Variants in TONSL observed in about 807,000 individuals in gnomAD.
TONSL encodes the protein tonsoku like, DNA repair protein.
TONSL carries 112 observed loss-of-function variants against 147.1 expected under a neutral mutation model. That is an observed-to-expected ratio of 0.76 (90% confidence interval 0.65 to 0.89). The LOEUF is 0.89. TONSL is among the 40% of genes least tolerant of loss of function. The pLI is 0.00. For synonymous variants in TONSL, 868 were observed against 801.5 expected (o/e 1.08, Z -1.40); for missense variants, 1,883 against 1,864.6 (o/e 1.01, Z -0.18).
chr8:144,440,326 G>A, intron 10 of TONSL, 25 bp downstream of exon 10: 1 of 1,572,518 alleles, frequency 6.4e-7, no homozygotes, highest in Admixed American at 1.8e-5. Context: ...CGGGGAGCCA[G>A]TATGGGTGGG....
Position 144,440,424 on chromosome 8 carries a change from G to C in TONSL, c.1217C>G (p.Ala406Gly). 1 of 1,608,356 alleles carries C rather than the reference G, an allele frequency of 6.2e-7. No individual in the cohort carries two copies. The highest frequency in any genetic ancestry group is 1.1e-5 in the South Asian group (1 of 90,908). ...GAAGCACGGGGCCAGCAGCTCGTAG[G>C]CATCGCCGGCCTCCTCGCGGGACAG... ...IALSREEAGD[A>G]YELLAPCFQK... The change falls in exon 10 of 26, where the codon GCC becomes GGC. Residue 406 changes from alanine to glycine, a missense_variant. Coordinates refer to ENST00000409379, the MANE Select transcript of TONSL (RefSeq NM_013432.5).
At chr8:144,442,552 A>C in intron 5 of TONSL, 125 bp downstream of exon 5, 1 of 1,491,072 alleles carries the variant, frequency 6.7e-7, no homozygotes, top group Non-Finnish European at 9.0e-7. Context: ...CACAGGTGTG[A>C]GAGGTGGGGG....
chr8:144,443,432 A>C, intron 3 of TONSL, 111 bp from the exon 4 acceptor site: 2 of 1,100,390 alleles, frequency 1.8e-6, no homozygotes, highest in Non-Finnish European at 2.6e-6. Context: ...GCTCCCCCTA[A>C]CCCCCACAGA....
chr8:144,435,203 G>A, intron 18 of TONSL, 33 bp from the exon 19 acceptor site: 3 of 1,468,982 alleles, frequency 2.0e-6, no homozygotes, highest in Non-Finnish European at 2.7e-6. Context: ...GCTGCTGCCT[G>A]CACACAGCCG....
chr8:144,438,843 C>T (rs976743542), intron 11 of TONSL, 108 bp from the exon 12 acceptor site: 65 of 1,196,286 alleles, frequency 5.4e-5, no homozygotes, highest in Non-Finnish European at 7.0e-5. Context: ...GAGCCAGAGA[C>T]GGGAGGGCTG....
rs775498388 is a variant in TONSL at position 144,440,067 on chromosome 8, C to A, written c.1434G>T (p.Ala478=). 1.3e-6 allele frequency: 2 copies of A among 1,578,472 alleles called. No homozygotes were observed. Among genetic ancestry groups the A allele is most frequent in the Non-Finnish European group, 1.7e-6 (2 of 1,149,316 alleles). The change falls in exon 11 of 26, where the codon GCG becomes GCT. Residue 478 remains alanine (A), a synonymous_variant. Transcript: ENST00000409379. ...CGCCGGCCTCCAGGGCTTCGCTCTCCGCTGTGGCTGCCGCCTCCTCCGCCT... is the reference window on the plus strand; with the variant it reads ...CGCCGGCCTCCAGGGCTTCGCTCTCAGCTGTGGCTGCCGCCTCCTCCGCCT... ...EEEAEEAAAT[A]ESEALEAGEV... is the part of the protein sequence containing the mutation.
At chr8:144,443,015 C>T (rs746413855) in intron 4 of TONSL, 123 bp downstream of exon 4, 45 of 1,308,562 alleles carry the variant, frequency 3.4e-5, no homozygotes, top group Non-Finnish European at 4.5e-5. Context: ...ACCCCTCACA[C>T]AAGAGCCTTG....
At chr8:144,443,084 C>A in intron 4 of TONSL, 54 bp downstream of exon 4, 1 of 1,524,446 alleles carries the variant, frequency 6.6e-7, no homozygotes, top group Non-Finnish European at 8.9e-7. Context: ...TGCTGGGCTG[C>A]AGCCTCTTCG....
At position 144,429,050 on chromosome 8, in the gene TONSL, A is replaced by G. The variant is rs545242688; in HGVS notation, c.*93T>C. ...GTGATCCGCCCGCCTGGGCCTCCCA[A>G]AGTGTTGGGATTACAGGCGTGAGCC... On this transcript the variant is annotated 3_prime_UTR_variant, in exon 26 of 26. Coordinates refer to ENST00000409379, the MANE Select transcript of TONSL (RefSeq NM_013432.5). 607 of 1,362,620 alleles carry G rather than the reference A, an allele frequency of 4.5e-4. 4 individuals are homozygous for G. In the African/African-American group the frequency reaches 8.2e-3, roughly 18 times the overall value. 84.4% of individuals were successfully genotyped at this position (1,362,620 alleles called of 1,614,324 possible).
intron 19 of TONSL, 53 bp downstream of exon 19, chr8:144,434,964 C>G: frequency 6.2e-7 from 1 of 1,611,038 alleles, no homozygotes; most frequent in Middle Eastern, 1.7e-4. Context: ...CATGAGCCAC[C>G]CGGGGGCTCC....
chr8:144,433,956 C>T, intron 21 of TONSL, 22 bp downstream of exon 21: 2 of 1,547,246 alleles, frequency 1.3e-6, no homozygotes, highest in South Asian at 1.2e-5. Flanking sequence ...TGTTGAGGGC[C>T]TGCTGCTCTC....
rs1239998939 is a variant in TONSL, at chr8:144,433,643, G to A, written c.3504C>T (p.Gly1168=). The stretch of plus-strand genomic sequence containing the variant: ...GGCTCAGAAAGAAGCTGGGGCCGAA[G>A]CCACACGCCTGCAGGCGCAGGGTGC... ...LLSTLRLQAC[G]FGPSFFLSHQ... Residue 1168 remains glycine, a synonymous_variant, in exon 22 of 26, where the codon GGC becomes GGT. Coordinates refer to ENST00000409379, the MANE Select transcript of TONSL (RefSeq NM_013432.5). 4 of 1,613,248 alleles carry A rather than the reference G, an allele frequency of 2.5e-6. No homozygotes were observed. The highest frequency in any genetic ancestry group is 2.7e-5 in the African/African-American group (2 of 74,944).
intron 23 of TONSL, 128 bp downstream of exon 23, chr8:144,432,157 C>T (rs1434173149): frequency 1.8e-6 from 2 of 1,083,648 alleles, no homozygotes; most frequent in Admixed American, 2.3e-5. Flanking sequence ...CTCCAAACCT[C>T]TAACTCTCTC....
Position 144,436,062 on chromosome 8 carries a change from C to T in TONSL, c.2371G>A (p.Ala791Thr), listed in dbSNP as rs1348614104. ...EAATASTSRA[A>T]YQAAIRGVGS... ...ACACCCCGGATGGCTGCCTGGTAGGCTGCCCGGCTGGTGCTGGCTGTGGCT... is the reference window on the plus strand; with the variant it reads ...ACACCCCGGATGGCTGCCTGGTAGGTTGCCCGGCTGGTGCTGGCTGTGGCT... The change falls in exon 17 of 26, where the codon GCC (alanine) becomes ACC (threonine). Residue 791 changes from alanine (A) to threonine (T), a missense_variant. By Grantham distance (58) the Ala-to-Thr change is moderately conservative. Transcript: ENST00000409379. 1 of 1,572,694 alleles carries T rather than the reference C, an allele frequency of 6.4e-7. No individual in the cohort carries two copies. Among genetic ancestry groups the T allele is most frequent in the Non-Finnish European group, 8.6e-7 (1 of 1,166,190 alleles).
chr8:144,431,249 G>A lies in TONSL; in HGVS notation c.3736-98C>T, dbSNP rs114298042. 4.3e-3 allele frequency: 4,803 copies of A among 1,122,170 alleles called. 133 individuals are homozygous for A. In the African/African-American group the frequency reaches 0.063, roughly 15 times the overall value. 69.5% of individuals were successfully genotyped at this position (1,122,170 alleles called of 1,614,324 possible). On this transcript the variant is annotated intron_variant, in intron 23 of 25. Coordinates refer to ENST00000409379, the MANE Select transcript of TONSL (RefSeq NM_013432.5). Reference sequence around the variant, plus strand: ...ACCACACCCAGGGGCCCAGAAGGGAGCAGAGTCCCCCATCAAGTTGGAGAT... The same window carrying A: ...ACCACACCCAGGGGCCCAGAAGGGAACAGAGTCCCCCATCAAGTTGGAGAT...
In TONSL at chr8:144,433,622, C is replaced by T. The variant is rs782105382; in HGVS notation, c.3525G>A (p.Leu1175=). 37 of 1,613,372 alleles carry T rather than the reference C, an allele frequency of 2.3e-5. No individual in the cohort carries two copies. The South Asian group carries it at 3.7e-4, about 16-fold the overall frequency. ...CACTACCCAGTGCTGTCTGGTGGCTCAGAAAGAAGCTGGGGCCGAAGCCAC... is the reference window on the plus strand; with the variant it reads ...CACTACCCAGTGCTGTCTGGTGGCTTAGAAAGAAGCTGGGGCCGAAGCCAC... ...QACGFGPSFF[L]SHQTALGSAF... Residue 1175 remains leucine, a synonymous_variant, in exon 22 of 26, where the codon CTG becomes CTA. Coordinates refer to ENST00000409379, the MANE Select transcript of TONSL (RefSeq NM_013432.5).
intron 7 of TONSL, 68 bp from the exon 8 acceptor site, chr8:144,441,179 G>C: frequency 6.3e-7 from 1 of 1,582,440 alleles, no homozygotes; most frequent in South Asian, 1.1e-5. Flanking sequence ...CCACCTGCAA[G>C]CTGTGAGCCC....
In TONSL at chr8:144,442,695, T is replaced by C; in HGVS notation, c.560A>G (p.Lys187Arg). The stretch of plus-strand genomic sequence containing the variant: ...GCCTTACTCCGCAAGGAAGATGCTC[T>C]TCCTGAAGTAATCGTTGCACAGGGC... ...QTALCNDYFR[K>R]SIFLAEQNHL... Residue 187 changes from lysine to arginine, a missense_variant, in exon 5 of 26, where the codon AAG becomes AGG. Physicochemically the swap from Lys to Arg is conservative, Grantham distance 26. Coordinates refer to ENST00000409379, the MANE Select transcript of TONSL (RefSeq NM_013432.5). 2 of 1,612,894 alleles carry C rather than the reference T, an allele frequency of 1.2e-6. No homozygotes were observed. The highest frequency in any genetic ancestry group is 1.3e-5 in the African/African-American group (1 of 75,054).
In TONSL at chr8:144,444,276, C is replaced by T; in HGVS notation, c.26-1G>A. ...GCCTTGGCTTTCGCCTTGCTCAGCT[C>T]TGTGGGAGGAAGAGGAGGGCTGGGC... On this transcript the variant is annotated splice_acceptor_variant, in intron 1 of 25. Coordinates refer to ENST00000409379, the MANE Select transcript of TONSL (RefSeq NM_013432.5). LOFTEE classifies it high-confidence loss of function. The T allele has an allele frequency of 7.0e-7, 1 of 1,430,908 alleles. No individual in the cohort carries two copies. The highest frequency in any genetic ancestry group is 1.4e-5 in the South Asian group (1 of 71,890). The allele number at this position is 1,430,908 out of a possible 1,614,324, so 88.6% of individuals were successfully genotyped here.
Sources: gnomAD v4.1 joint callset for allele counts on GRCh38, gnomAD v4.1.1 for gene constraint, MANE v1.5 for transcripts, NCBI Gene and HGNC (gene_info 2026-07-23, HGNC 2026-07-21) for gene names.